CDS2: variants seen among roughly 807,000 people sequenced by gnomAD.
The protein encoded by CDS2 is phosphatidate cytidylyltransferase 2.
CDS2 carries 47 observed loss-of-function variants against 59.0 expected under a neutral mutation model. The observed-to-expected ratio is 0.80, with a 90% CI of 0.63 to 1.02. CDS2 has a LOEUF of 1.02. CDS2 is among the 50% of genes least tolerant of loss of function. The pLI, the probability that CDS2 is intolerant of heterozygous loss-of-function variation, is 0.00. For synonymous variants in CDS2, 207 were observed against 206.4 expected (o/e 1.00, Z -0.02); for missense variants, 356 against 558.9 (o/e 0.64, Z 3.66).
chr20:5,190,302 T>C lies in CDS2; in HGVS notation c.*68T>C. 1 of 1,474,460 alleles carries C rather than the reference T, an allele frequency of 6.8e-7. No homozygotes were observed. Among genetic ancestry groups the C allele is most frequent in the East Asian group, 2.4e-5 (1 of 41,670 alleles). The allele number at this position is 1,474,460 out of a possible 1,614,324, so 91.3% of individuals were successfully genotyped here. On this transcript the variant is annotated 3_prime_UTR_variant, in exon 13 of 13. Transcript: ENST00000460006. Reference sequence around the variant, plus strand: ...GGCAGGTCTCCAAGGCAAGCCCAGCTGGTGTGACTTAGACAATGACGAGGC... The same window carrying C: ...GGCAGGTCTCCAAGGCAAGCCCAGCCGGTGTGACTTAGACAATGACGAGGC...
At chr20:5,156,277 C>G (rs78896391) in intron 1 of CDS2, among the ~76,000 whole-genome samples, 2,407 of 152,074 alleles carry the variant, frequency 0.016, 43 homozygotes, top group East Asian at 0.08. Flanking sequence ...AACAGTGATG[C>G]GGACAGTGTT....
At chr20:5,177,338 G>C (rs1459123965) in intron 4 of CDS2, among the ~76,000 whole-genome samples, 1 of 152,050 alleles carries the variant, frequency 6.6e-6, no homozygotes, top group Non-Finnish European at 1.5e-5. Flanking sequence ...CTGGTTTCCA[G>C]ACTGTGGTGT....
At chr20:5,129,739 G>C (rs1395966670) in intron 1 of CDS2, among the ~76,000 whole-genome samples, 2 of 149,680 alleles carry the variant, frequency 1.3e-5, no homozygotes. Flanking sequence ...ACTGTACCTG[G>C]CGTTTTTTTT....
At chr20:5,173,761 C>T (rs1265004537) in intron 2 of CDS2, 102 bp downstream of exon 2, 21 of 1,379,846 alleles carry the variant, frequency 1.5e-5, no homozygotes, top group South Asian at 5.0e-5. Flanking sequence ...AGAGCAGGCC[C>T]GCTGTCTTGC....
rs539554964 is a variant in CDS2 at position 5,137,806 on chromosome 20, G to GT, written c.57+10667dup. Among the ~76,000 whole-genome samples, 341 of 144,762 alleles carry GT rather than the reference G, an allele frequency of 2.4e-3. 8 individuals are homozygous for GT. In the South Asian group the frequency reaches 0.051, roughly 22 times the overall value. The allele number at this position is 144,762 out of a possible 152,430, so 95.0% of individuals were successfully genotyped here. The stretch of plus-strand genomic sequence containing the variant: ...CTCAAACATTTATCATTTCTTTTTT[G>GT]TTTTTTTTTTGAGACGGAGTCTCGC... On this transcript the variant is annotated intron_variant, in intron 1 of 12. Coordinates refer to ENST00000460006, the MANE Select transcript of CDS2 (RefSeq NM_003818.4).
intron 1 of CDS2, among the ~76,000 whole-genome samples, chr20:5,144,543 T>C (rs940236587): frequency 1.3e-5 from 2 of 152,114 alleles, no homozygotes; most frequent in Admixed American, 1.3e-4. Context: ...ATGAAAGAAA[T>C]TGCTTTGGAG....
At chr20:5,173,883 G>A (rs1020034172) in intron 2 of CDS2, among the ~76,000 whole-genome samples, 1 of 152,230 alleles carries the variant, frequency 6.6e-6, no homozygotes, top group African/African-American at 2.4e-5. Context: ...GAAGGATCTG[G>A]CCCCGGAAGG....
chr20:5,179,113 G>A (rs2091014763), intron 5 of CDS2, among the ~76,000 whole-genome samples, 157 bp downstream of exon 5: 1 of 147,236 alleles, frequency 6.8e-6, no homozygotes, highest in South Asian at 2.2e-4. Context: ...AGCTGTAGCA[G>A]CTGTTACCTT....
chr20:5,163,060 A>G (rs1289731546), intron 1 of CDS2, among the ~76,000 whole-genome samples: 1 of 152,112 alleles, frequency 6.6e-6, no homozygotes, highest in Non-Finnish European at 1.5e-5. Context: ...AAGTAATTTG[A>G]TGGCCAGGTA....
At chr20:5,188,793 A>G (rs1471141120) in intron 10 of CDS2, among the ~76,000 whole-genome samples, 1 of 152,170 alleles carries the variant, frequency 6.6e-6, no homozygotes, top group African/African-American at 2.4e-5. Flanking sequence ...AAGCAGACAC[A>G]TGCAAAGAGG....
At chr20:5,186,495 T>A (rs191426974) in intron 9 of CDS2, among the ~76,000 whole-genome samples, 192 bp from the exon 10 acceptor site, 1 of 151,480 alleles carries the variant, frequency 6.6e-6, no homozygotes, top group Non-Finnish European at 1.5e-5. Context: ...GTAACCTTGG[T>A]GGGTCATGAG....
At chr20:5,174,867 A>G in intron 2 of CDS2, among the ~76,000 whole-genome samples, 1 of 152,238 alleles carries the variant, frequency 6.6e-6, no homozygotes, top group Non-Finnish European at 1.5e-5. Context: ...AGTCAGCTGT[A>G]GAAACCATCC....
chr20:5,186,987 G>A (rs2091074323), intron 10 of CDS2, 148 bp downstream of exon 10: 4 of 790,518 alleles, frequency 5.1e-6, no homozygotes, highest in Admixed American at 2.3e-5. Context: ...CTCACGCCAG[G>A]TCAGGGTATG....
intron 1 of CDS2, among the ~76,000 whole-genome samples, chr20:5,172,591 G>A (rs1196359680): frequency 6.6e-6 from 1 of 152,148 alleles, no homozygotes; most frequent in African/African-American, 2.4e-5. Flanking sequence ...GAACTTCCCA[G>A]ATCCCGTTTC....
At chr20:5,130,270 C>T (rs1021976765) in intron 1 of CDS2, among the ~76,000 whole-genome samples, 3 of 152,116 alleles carry the variant, frequency 2.0e-5, no homozygotes, top group South Asian at 4.1e-4. Context: ...CCACCGTGCC[C>T]GGCCCATAGT....
chr20:5,140,679 A>C (rs1375211304), intron 1 of CDS2, among the ~76,000 whole-genome samples: 1 of 152,238 alleles, frequency 6.6e-6, no homozygotes, highest in Non-Finnish European at 1.5e-5. Flanking sequence ...CATAGAATAG[A>C]TGATGAAGTG....
chr20:5,139,213 G>C (rs941060047), intron 1 of CDS2, among the ~76,000 whole-genome samples: 2 of 152,146 alleles, frequency 1.3e-5, no homozygotes, highest in African/African-American at 4.8e-5. Context: ...GTGGGAGCCT[G>C]CACCTGTAAT....
chr20:5,185,656 G>T, intron 8 of CDS2, 102 bp from the exon 9 acceptor site: 1 of 1,012,646 alleles, frequency 9.9e-7, no homozygotes, highest in South Asian at 1.4e-5. Context: ...ATGGTTAAGA[G>T]AATGGGGTTT....
Position 5,127,167 on chromosome 20 carries a change from G to T in CDS2, c.57+18G>T, listed in dbSNP as rs909987401. 1.3e-6 allele frequency: 2 copies of T among 1,484,070 alleles called. No individual in the cohort carries two copies. The highest frequency in any genetic ancestry group is 9.0e-7 in the Non-Finnish European group (1 of 1,115,468). The allele number at this position is 1,484,070 out of a possible 1,614,324, so 91.9% of individuals were successfully genotyped here. A position where few individuals can be genotyped will look rare whatever the true frequency, so the allele number is the denominator to read the frequency against. ...AGGACAAGGTAGCGGCAGCGTCGGG[G>T]TGGGCGCGGCCGGGACAGCGGCGCA... On this transcript the variant is annotated intron_variant, in intron 1 of 12. Transcript: ENST00000460006.
Sources: allele counts gnomAD v4.1 joint callset (sites outside exome capture counted in the v4.1 genomes callset), GRCh38; gene constraint gnomAD v4.1.1; transcripts MANE v1.5; gene names NCBI Gene and HGNC (gene_info 2026-07-23, HGNC 2026-07-21).